The following LNX1 variants were observed in gnomAD, a reference collection of about 807,000 sequenced individuals.
LNX1 encodes the protein E3 ubiquitin-protein ligase LNX.
A neutral mutation model predicts 68.4 loss-of-function variants in LNX1; 54 were observed. The ratio of observed to expected loss-of-function variants is 0.79; its 90% CI spans 0.63 to 0.99. LNX1 has a LOEUF of 0.99. LNX1 is among the 50% of genes least tolerant of loss of function. The probability of loss-of-function intolerance (pLI) is 0.00; values close to 1 mark genes in which losing one functional copy is unlikely to be tolerated. For synonymous variants in LNX1, 336 were observed against 350.0 expected (o/e 0.96, Z 0.45); for missense variants, 906 against 926.4 (o/e 0.98, Z 0.29).
chr4:53,584,538 G>C (rs776080216), intron 1 of LNX1, among the ~76,000 whole-genome samples: 7 of 152,144 alleles, frequency 4.6e-5, no homozygotes, highest in Non-Finnish European at 1.0e-4. Context: ...TGGGATAGAC[G>C]GTCCTTGGGA....
chr4:53,630,832 A>G (rs968070995), intron 1 of LNX1, among the ~76,000 whole-genome samples: 1 of 152,226 alleles, frequency 6.6e-6, no homozygotes, highest in Non-Finnish European at 1.5e-5. Flanking sequence ...TTGCTAATTC[A>G]GTGTTTGCAG....
At chr4:53,592,385 T>A (rs556099201), upstream of LNX1, among the ~76,000 whole-genome samples, 1 of 152,172 alleles carries the variant, frequency 6.6e-6, no homozygotes, top group African/African-American at 2.4e-5. Context: ...CGTAAACTCA[T>A]CCAGCACCAG....
chr4:53,512,634 A>G (rs1336830840), intron 2 of LNX1, among the ~76,000 whole-genome samples: 1 of 152,086 alleles, frequency 6.6e-6, no homozygotes, highest in African/African-American at 2.4e-5. Flanking sequence ...TCTTTCACCC[A>G]TGAGAGCACT....
At chr4:53,615,602 C>T (rs1733654519) in intron 2 of LNX1, among the ~76,000 whole-genome samples, 1 of 152,164 alleles carries the variant, frequency 6.6e-6, no homozygotes, top group Admixed American at 6.5e-5. Context: ...AGAGGAAGAG[C>T]TTAGCCAACC....
At chr4:53,563,124 T>C (rs1184957180) in intron 2 of LNX1, among the ~76,000 whole-genome samples, 1 of 152,150 alleles carries the variant, frequency 6.6e-6, no homozygotes, top group African/African-American at 2.4e-5. Flanking sequence ...GAGAATGGCA[T>C]GAATCCCGGA....
At chr4:53,554,176 T>C (rs1475141147) in intron 2 of LNX1, among the ~76,000 whole-genome samples, 1 of 152,218 alleles carries the variant, frequency 6.6e-6, no homozygotes. Context: ...TGTCCAGCTC[T>C]CGCCATTGGA....
chr4:53,506,856 T>TAAAAAAAAAAAAAAAAAAAAAAAAA lies in LNX1; in HGVS notation c.775+460_775+461insTTTTTTTTTTTTTTTTTTTTTTTTT, dbSNP rs59260730. ...CCTGGGCGACAAGCAAAACTCTGTC[T>TAAAAAAAAAAAAAAAAAAAAAAAAA]AAAAAAAAAAAAAAAAAAAGAGGAA... On this transcript the variant is annotated intron_variant, in intron 4 of 10. Coordinates refer to ENST00000263925, the MANE Select transcript of LNX1 (RefSeq NM_001126328.3). Among the ~76,000 whole-genome samples the TAAAAAAAAAAAAAAAAAAAAAAAAA allele has an allele frequency of 5.5e-4, 30 of 54,186 alleles. 1 individual carries two copies. Among genetic ancestry groups the TAAAAAAAAAAAAAAAAAAAAAAAAA allele is most frequent in the African/African-American group, 1.6e-3 (26 of 16,154 alleles). 35.5% of individuals were successfully genotyped at this position (54,186 alleles called of 152,430 possible). A position where few individuals can be genotyped will look rare whatever the true frequency, so the allele number is the denominator to read the frequency against.
intron 2 of LNX1, among the ~76,000 whole-genome samples, chr4:53,563,537 CTTT>C (rs763612909): frequency 4.9e-5 from 7 of 142,540 alleles, no homozygotes; most frequent in Admixed American, 1.4e-4. Flanking sequence ...GCTTCAAATT[CTTT>C]TTTTTTTTTT....
At chr4:53,580,183 A>G (rs1386444016) in intron 1 of LNX1, among the ~76,000 whole-genome samples, 1 of 152,236 alleles carries the variant, frequency 6.6e-6, no homozygotes. Flanking sequence ...CATAATGAGC[A>G]AAATTTTCCT....
At chr4:53,609,290 A>T (rs557362276) in intron 2 of LNX1, among the ~76,000 whole-genome samples, 39 of 152,148 alleles carry the variant, frequency 2.6e-4, no homozygotes, top group Non-Finnish European at 2.8e-4. Context: ...AAAAAAAGGA[A>T]ATCTAAAGAG....
chr4:53,495,593 A>C (rs1724995242), intron 6 of LNX1, among the ~76,000 whole-genome samples: 1 of 135,954 alleles, frequency 7.4e-6, no homozygotes, highest in African/African-American at 2.9e-5. Flanking sequence ...CTCAGGCTAG[A>C]GTGCAGTGGC....
At chr4:53,582,894 C>A (rs1267044601) in intron 1 of LNX1, among the ~76,000 whole-genome samples, 1 of 152,098 alleles carries the variant, frequency 6.6e-6, no homozygotes, top group Non-Finnish European at 1.5e-5. Flanking sequence ...AGGAACCAAA[C>A]AGACCAGCGC....
intron 2 of LNX1, among the ~76,000 whole-genome samples, chr4:53,614,768 G>A (rs1188180281): frequency 3.3e-5 from 5 of 152,144 alleles, no homozygotes; most frequent in Non-Finnish European, 7.3e-5. Context: ...CTGAATGCTT[G>A]CTAGTTTTAC....
intron 2 of LNX1, chr4:53,557,774 G>C: frequency 7.9e-7 from 1 of 1,268,460 alleles, no homozygotes; most frequent in Non-Finnish European, 1.1e-6. Flanking sequence ...TAGTATGTGT[G>C]GAATTTAAAA....
At chr4:53,544,075 C>T (rs1728935038) in intron 2 of LNX1, among the ~76,000 whole-genome samples, 2 of 152,158 alleles carry the variant, frequency 1.3e-5, no homozygotes, top group Admixed American at 6.5e-5. Context: ...ATTTTTGAAC[C>T]CTAGACACCA....
At chr4:53,646,509 C>T (rs1046240644) in intron 1 of LNX1, among the ~76,000 whole-genome samples, 24 of 152,214 alleles carry the variant, frequency 1.6e-4, no homozygotes, top group Non-Finnish European at 2.6e-4. Flanking sequence ...TTCCCAGCAT[C>T]CAGAACAGTG....
intron 1 of LNX1, among the ~76,000 whole-genome samples, chr4:53,646,939 T>A (rs2668550): frequency 6.6e-6 from 1 of 152,174 alleles, no homozygotes; most frequent in Non-Finnish European, 1.5e-5. Context: ...AATGAACCTG[T>A]GTGTTTAGAA....
In LNX1 at chr4:53,507,383, C is replaced by G. The variant is rs778911332; in HGVS notation, c.709G>C (p.Gly237Arg). The change falls in exon 4 of 11, where the codon GGG (glycine) becomes CGG (arginine). Residue 237 changes from glycine (G) to arginine (R), a missense_variant. Physicochemically the swap from Gly to Arg is moderately radical, Grantham distance 125. Coordinates refer to ENST00000263925, the MANE Select transcript of LNX1 (RefSeq NM_001126328.3). ...TCGGCATGGTTGGCAACTGCACTCCCGCTCTTTGTCCTTCGAAGAACACTC... is the reference window on the plus strand; with the variant it reads ...TCGGCATGGTTGGCAACTGCACTCCGGCTCTTTGTCCTTCGAAGAACACTC... Reference protein sequence around the residue: ...ALSVLRRTKSGSAVANHADQG... With the variant: ...ALSVLRRTKSRSAVANHADQG... 6.2e-7 allele frequency: 1 copy of G among 1,614,118 alleles called. No homozygotes were observed. Among genetic ancestry groups the G allele is most frequent in the South Asian group, 1.1e-5 (1 of 91,066 alleles).
chr4:53,575,605 C>T (rs567964742), intron 1 of LNX1: 9 of 1,297,244 alleles, frequency 6.9e-6, no homozygotes, highest in Non-Finnish European at 7.8e-6. Flanking sequence ...AGAATCCCAC[C>T]TTGGGACCAG....
Sources: allele counts gnomAD v4.1 joint callset (sites outside exome capture counted in the v4.1 genomes callset), GRCh38; gene constraint gnomAD v4.1.1; transcripts MANE v1.5; gene names NCBI Gene and HGNC (gene_info 2026-07-23, HGNC 2026-07-21).